The following SYNE1 variants were observed in gnomAD, a reference collection of about 807,000 sequenced individuals.
SYNE1 encodes spectrin repeat containing nuclear envelope protein 1.
In SYNE1, 616 loss-of-function variants were observed where a neutral mutation model predicts 1,111.0. That is an observed-to-expected ratio of 0.55 (90% confidence interval 0.52 to 0.59). The LOEUF is 0.59. Among genes scored for constraint, SYNE1 ranks in the 20% least tolerant of loss-of-function variants. The pLI is 0.00. For missense variants in SYNE1, 10,006 were observed against 10,417.0 expected (o/e 0.96, Z 1.72); for synonymous variants, 3,855 against 3,825.8 (o/e 1.01, Z -0.28).
At chr6:152,353,802 A>T in intron 67 of SYNE1, 58 bp from the exon 68 acceptor site, 1 of 1,599,440 alleles carries the variant, frequency 6.3e-7, no homozygotes. Context: ...AATAAGCCAA[A>T]TGTATATCTT....
rs1272005064 is a variant in SYNE1 at position 152,208,047 on chromosome 6, G to C, written c.22749C>G (p.Ser7583=). The C allele has an allele frequency of 2.5e-6, 4 of 1,614,120 alleles. No individual in the cohort carries two copies. The highest frequency in any genetic ancestry group is 2.5e-6 in the Non-Finnish European group (3 of 1,180,012). Residue 7583 remains serine, a synonymous_variant, in exon 125 of 146, where the codon TCC becomes TCG. Coordinates refer to ENST00000367255, the MANE Select transcript of SYNE1 (RefSeq NM_182961.4). ...TTCCGAGACCACTCATGGGGAGGTAGGACACTTCAACCAACCATTTACGAA... is the reference window on the plus strand; with the variant it reads ...TTCCGAGACCACTCATGGGGAGGTACGACACTTCAACCAACCATTTACGAA... The part of the protein sequence containing the change: ...EKLRKWLVEV[S]YLPMSGLGSV...
At chr6:152,507,703 T>C (rs999390199) in intron 8 of SYNE1, among the ~76,000 whole-genome samples, 1 of 152,180 alleles carries the variant, frequency 6.6e-6, no homozygotes, top group African/African-American at 2.4e-5. Context: ...ATGCATATAT[T>C]TATTTATTTT....
chr6:152,498,454 C>A (rs1446622386), intron 11 of SYNE1, among the ~76,000 whole-genome samples: 2 of 152,080 alleles, frequency 1.3e-5, no homozygotes, highest in African/African-American at 4.8e-5. Context: ...ACTGTAAGTC[C>A]TTTTTATTAG....
At chr6:152,456,383 G>A (rs189458553) in intron 22 of SYNE1, among the ~76,000 whole-genome samples, 113 of 152,028 alleles carry the variant, frequency 7.4e-4, no homozygotes, top group African/African-American at 2.7e-3. Context: ...TGATAGGCCT[G>A]TTGTTTATTG....
chr6:152,122,205 G>T lies in SYNE1; in HGVS notation c.*231C>A. ...AATCTCCTTAGTGCTAAGGTTCAGA[G>T]TCTCAAACCAGATTTCTTCCAAACC... On this transcript the variant is annotated 3_prime_UTR_variant, in exon 146 of 146. Coordinates refer to ENST00000367255, the MANE Select transcript of SYNE1 (RefSeq NM_182961.4). 3.1e-6 allele frequency: 2 copies of T among 641,454 alleles called. No individual in the cohort carries two copies. Among genetic ancestry groups the T allele is most frequent in the Non-Finnish European group, 2.7e-6 (1 of 376,782 alleles). The allele number at this position is 641,454 out of a possible 1,614,324, so 39.7% of individuals were successfully genotyped here. A position where few individuals can be genotyped will look rare whatever the true frequency, so the allele number is the denominator to read the frequency against.
intron 140 of SYNE1, among the ~76,000 whole-genome samples, chr6:152,139,188 C>G (rs1490319660): frequency 6.6e-6 from 1 of 152,116 alleles, no homozygotes; most frequent in Non-Finnish European, 1.5e-5. Flanking sequence ...TTTAATTGGA[C>G]ATTTCTTAAA....
rs542875931 is a variant in SYNE1 at position 152,513,458 on chromosome 6, G to T, written c.310-2355C>A. On this transcript the variant is annotated intron_variant, in intron 6 of 145. Coordinates refer to ENST00000367255, the MANE Select transcript of SYNE1 (RefSeq NM_182961.4). ...CCTCCCAGGTTCAAGCGATTCTCCT[G>T]CCTCAACTGGGATTACAGGCATGCG... Among the ~76,000 whole-genome samples, 137 of 152,086 alleles carry T rather than the reference G, an allele frequency of 9.0e-4. 1 individual carries two copies. The highest frequency in any genetic ancestry group is 3.1e-3 in the African/African-American group (128 of 41,502).
At chr6:152,587,050 A>T (rs2099542050) in intron 3 of SYNE1, among the ~76,000 whole-genome samples, 1 of 152,132 alleles carries the variant, frequency 6.6e-6, no homozygotes, top group South Asian at 2.1e-4. Flanking sequence ...TTTTGGGACC[A>T]TTTCGCTTAT....
rs1190850842 is a variant in SYNE1, at chr6:152,188,984, AATATATATATATAT to A, written c.23301+254_23301+267del. ...AAAAAAAAAAAAAAAAAAAAAAAAA[AATATATATATATAT>A]ATATATATATATATATATATAAAAT... is the stretch of plus-strand genomic sequence containing the variant. On this transcript the variant is annotated intron_variant, in intron 128 of 145. Transcript: ENST00000367255. Among the ~76,000 whole-genome samples the A allele has an allele frequency of 4.9e-3, 113 of 23,000 alleles. 1 individual carries two copies. Among genetic ancestry groups the A allele is most frequent in the African/African-American group, 0.013 (97 of 7,356 alleles). The allele number at this position is 23,000 out of a possible 152,430, so 15.1% of individuals were successfully genotyped here. A position where few individuals can be genotyped will look rare whatever the true frequency, so the allele number is the denominator to read the frequency against.
rs1473006141 is a variant in SYNE1, at chr6:152,510,214, C to G, written c.560G>C (p.Trp187Ser). The stretch of plus-strand genomic sequence containing the variant: ...TTACTTGCCAGCTGTGTACTGAACC[C>G]ACTTTAATAAAGCCTTCTTAGCATT... The part of the protein sequence containing the change: ...QGNAKKALLK[W>S]VQYTAGKQTG... The change falls in exon 8 of 146, where the codon TGG becomes TCG. Residue 187 changes from tryptophan to serine, a missense_variant. Physicochemically the swap from Trp to Ser is radical, Grantham distance 177. Around this residue, in one of 7 missense-constraint regions of SYNE1, gnomAD observed 1,971 missense variants for 2,084.1 expected, o/e 0.95. Transcript: ENST00000367255. 6.2e-7 allele frequency: 1 copy of G among 1,613,868 alleles called. No homozygotes were observed. Among genetic ancestry groups the G allele is most frequent in the Non-Finnish European group, 8.5e-7 (1 of 1,179,956 alleles).
chr6:152,541,755 AAAAAAAAAAAG>A (rs1425599755), intron 3 of SYNE1, among the ~76,000 whole-genome samples: 3 of 142,634 alleles, frequency 2.1e-5, no homozygotes, highest in Non-Finnish European at 4.6e-5. Context: ...CTCAAAAAAA[AAAAAAAAAAAG>A]AAAAGAAATG....
chr6:152,327,997 T>C (rs2096125997), intron 78 of SYNE1, among the ~76,000 whole-genome samples: 1 of 152,218 alleles, frequency 6.6e-6, no homozygotes, highest in African/African-American at 2.4e-5. Flanking sequence ...AATATTAAAA[T>C]TTTTACTATT....
At chr6:152,247,004 C>T (rs2087378585) in intron 105 of SYNE1, among the ~76,000 whole-genome samples, 1 of 152,148 alleles carries the variant, frequency 6.6e-6, no homozygotes, top group African/African-American at 2.4e-5. Context: ...TGTACCCTTT[C>T]TAAGAAAGGA....
At chr6:152,297,816 TGTGTGTGCGCGC>T (rs1562875543) in intron 93 of SYNE1, among the ~76,000 whole-genome samples, 1 of 83,136 alleles carries the variant, frequency 1.2e-5, no homozygotes. Flanking sequence ...TGTGTGTGTG[TGTGTGTGCGCGC>T]GCACGTGGCT....
chr6:152,262,312 C>T, intron 100 of SYNE1, 124 bp from the exon 101 acceptor site: 1 of 890,532 alleles, frequency 1.1e-6, no homozygotes, highest in Admixed American at 2.1e-5. Flanking sequence ...TATTAGCTTA[C>T]ACTTTAAAAA....
rs1374751306 is a variant in SYNE1, at chr6:152,364,569, C to T, written c.10145+278G>A. Among the ~76,000 whole-genome samples the T allele has an allele frequency of 2.0e-5, 3 of 151,348 alleles. No homozygotes were observed. The East Asian group carries it at 5.8e-4, about 29-fold the overall frequency. ...AATCTAAATGTGAGATTACATCTGC[C>T]AGTTTCTTTTGTTCTAATAAGAAAA... is the stretch of plus-strand genomic sequence containing the variant. On this transcript the variant is annotated intron_variant, in intron 63 of 145. Transcript: ENST00000367255.
chr6:152,186,933 C>T (rs565262591), intron 128 of SYNE1, among the ~76,000 whole-genome samples: 2 of 152,270 alleles, frequency 1.3e-5, no homozygotes, highest in East Asian at 3.9e-4. Context: ...CATTTTGATA[C>T]ATCATGATAA....
chr6:152,362,180 C>T lies in SYNE1; in HGVS notation c.10289G>A (p.Gly3430Glu), dbSNP rs760727534. The change falls in exon 64 of 146, where the codon GGA (glycine) becomes GAA (glutamate). Residue 3430 changes from glycine to glutamate, a missense_variant. Gly to Glu is a moderately conservative substitution (Grantham distance 98). Coordinates refer to ENST00000367255, the MANE Select transcript of SYNE1 (RefSeq NM_182961.4). Reference sequence around the variant, plus strand: ...AAATCCAGCTCTCACCTTGGCTTTTCCGAGCATCGTTGTTTTATCCCGCAG... The same window carrying T: ...AAATCCAGCTCTCACCTTGGCTTTTTCGAGCATCGTTGTTTTATCCCGCAG... ...AELRDKTTML[G>E]KAKLLNEEVL... 5 of 1,614,208 alleles carry T rather than the reference C, an allele frequency of 3.1e-6. No homozygotes were observed. Among genetic ancestry groups the T allele is most frequent in the Non-Finnish European group, 4.2e-6 (5 of 1,180,032 alleles).
At chr6:152,198,837 C>T (rs2074747201) in intron 127 of SYNE1, among the ~76,000 whole-genome samples, 1 of 152,046 alleles carries the variant, frequency 6.6e-6, no homozygotes, top group African/African-American at 2.4e-5. Flanking sequence ...GACTGTAGAT[C>T]ACTGTAACAA....
Sources: allele counts gnomAD v4.1 joint callset (sites outside exome capture counted in the v4.1 genomes callset), GRCh38; gene constraint gnomAD v4.1.1; regional missense constraint gnomAD v4.1.1; transcripts MANE v1.5; gene names NCBI Gene and HGNC (gene_info 2026-07-23, HGNC 2026-07-21).